CFAP70: variants seen among roughly 807,000 people sequenced by gnomAD.
CFAP70 encodes the protein cilia- and flagella-associated protein 70.
CFAP70 carries 81 observed loss-of-function variants against 137.6 expected under a neutral mutation model. The ratio of observed to expected loss-of-function variants is 0.59; its 90% CI spans 0.49 to 0.71. The LOEUF (loss-of-function observed/expected upper bound fraction) is 0.71. Ranked by LOEUF, CFAP70 falls within the 30% of genes least tolerant of loss-of-function variation. CFAP70 has a pLI of 0.00. For missense variants in CFAP70, 976 were observed against 1,226.7 expected (o/e 0.80, Z 3.05); for synonymous variants, 382 against 423.6 (o/e 0.90, Z 1.20).
At chr10:73,254,584 C>T (rs1456622677) in intron 26 of CFAP70, among the ~76,000 whole-genome samples, 1 of 152,198 alleles carries the variant, frequency 6.6e-6, no homozygotes, top group East Asian at 1.9e-4. Context: ...GCCACATTTT[C>T]CTGCTTCCCA....
chr10:73,256,809 AG>A (rs2044553000), intron 25 of CFAP70, among the ~76,000 whole-genome samples: 1 of 150,284 alleles, frequency 6.7e-6, no homozygotes, highest in South Asian at 2.1e-4. Context: ...GAGCTGAGGC[AG>A]GAGAATCGCT....
Position 73,316,391 on chromosome 10 carries a change from T to C in CFAP70, c.913-3748A>G, listed in dbSNP as rs186621224. 1.5e-3 allele frequency among the ~76,000 whole-genome samples: 226 copies of C among 149,296 alleles called. 4 individuals are homozygous for C. In the East Asian group the frequency reaches 0.04, roughly 27 times the overall value. On this transcript the variant is annotated intron_variant, in intron 9 of 26. Coordinates refer to ENST00000310715, the Ensembl canonical transcript of CFAP70. ...TTTTCTATATATCATCTGTTTTTTG[T>C]TGTTCTGTTCTTCCTTTAACTACCT...
At chr10:73,270,532 C>A in intron 24 of CFAP70, among the ~76,000 whole-genome samples, 1 of 97,094 alleles carries the variant, frequency 1.0e-5, no homozygotes, top group African/African-American at 4.1e-5. Context: ...TCCCCCTCCC[C>A]TCCCCTCCCC....
intron 7 of CFAP70, 97 bp from the exon 9 acceptor site, chr10:73,331,373 G>A (rs183525054): frequency 4.0e-6 from 4 of 1,009,526 alleles, no homozygotes; most frequent in East Asian, 2.8e-5. Context: ...AAGTAATATA[G>A]AATATACATA....
chr10:73,256,192 G>A (rs116345432), intron 26 of CFAP70, among the ~76,000 whole-genome samples, 177 bp downstream of exon 27: 2 of 152,220 alleles, frequency 1.3e-5, no homozygotes, highest in African/African-American at 4.8e-5. Flanking sequence ...GATCACCTAT[G>A]GTAATATGTA....
At chr10:73,336,900 T>C (rs1238198475) in intron 6 of CFAP70, among the ~76,000 whole-genome samples, 1 of 152,086 alleles carries the variant, frequency 6.6e-6, no homozygotes, top group Non-Finnish European at 1.5e-5. Context: ...TCTATGCCCT[T>C]GACAAATTTC....
intron 7 of CFAP70, among the ~76,000 whole-genome samples, chr10:73,332,213 T>C (rs773413430): frequency 2.0e-5 from 3 of 152,172 alleles, no homozygotes; most frequent in Non-Finnish European, 4.4e-5. Flanking sequence ...AAATGTGGAC[T>C]AGCTGGGAGT....
Position 73,316,531 on chromosome 10 carries a change from A to G in CFAP70, c.913-3888T>C, listed in dbSNP as rs1472391421. On this transcript the variant is annotated intron_variant, in intron 9 of 26. Coordinates refer to ENST00000310715, the Ensembl canonical transcript of CFAP70. The stretch of plus-strand genomic sequence containing the variant: ...ATATATATGACGTACACATAAATAT[A>G]TATGTATATATAATATGTATGGACA... Among the ~76,000 whole-genome samples, 4 of 146,996 alleles carry G rather than the reference A, an allele frequency of 2.7e-5. No homozygotes were observed. In the Admixed American group the frequency reaches 2.7e-4, roughly 10 times the overall value.
At chr10:73,338,162 T>TTTTTG (rs2052878911) in intron 6 of CFAP70, among the ~76,000 whole-genome samples, 1 of 150,662 alleles carries the variant, frequency 6.6e-6, no homozygotes, top group African/African-American at 2.4e-5. Flanking sequence ...TTTTTTTTTT[T>TTTTTG]GAGACAGAAT....
intron 20 of CFAP70, 22 bp downstream of exon 21, chr10:73,278,156 TG>T (rs773985419): frequency 5.0e-6 from 8 of 1,610,090 alleles, no homozygotes; most frequent in Non-Finnish European, 6.8e-6. Flanking sequence ...CTCTTCCAAG[TG>T]GAAATCTTTA....
At chr10:73,326,134 G>A (rs547629779) in intron 8 of CFAP70, among the ~76,000 whole-genome samples, 70 of 152,138 alleles carry the variant, frequency 4.6e-4, no homozygotes, top group Middle Eastern at 6.8e-3. Context: ...TATAACAACC[G>A]TCTCTCAGAC....
chr10:73,316,493 T>TATATAG (rs2050381967), intron 9 of CFAP70, among the ~76,000 whole-genome samples: 1 of 128,796 alleles, frequency 7.8e-6, no homozygotes, highest in Non-Finnish European at 1.6e-5. Context: ...TATAGATATA[T>TATATAG]ATATATATAT....
At chr10:73,324,696 C>A (rs1326329267) in intron 8 of CFAP70, among the ~76,000 whole-genome samples, 2 of 152,084 alleles carry the variant, frequency 1.3e-5, no homozygotes, top group African/African-American at 2.4e-5. Context: ...AATGCAGAAG[C>A]CTCAGGAGCC....
rs397847750 is a variant in CFAP70, at chr10:73,290,044, C to CAAAAAAAAAAAA, written c.2239+1170_2239+1181dup. On this transcript the variant is annotated intron_variant, in intron 19 of 26. Coordinates refer to ENST00000310715, the Ensembl canonical transcript of CFAP70. ...TGGGTGACAGAGCAAGACTCCATCT[C>CAAAAAAAAAAAA]AAAAAAAAAAAAAAAAGACTTGTAG... Among the ~76,000 whole-genome samples, 82 of 72,218 alleles carry CAAAAAAAAAAAA rather than the reference C, an allele frequency of 1.1e-3. 4 individuals are homozygous for CAAAAAAAAAAAA. Among genetic ancestry groups the CAAAAAAAAAAAA allele is most frequent in the African/African-American group, 3.4e-3 (76 of 22,590 alleles). 47.4% of individuals were successfully genotyped at this position (72,218 alleles called of 152,430 possible). A position where few individuals can be genotyped will look rare whatever the true frequency, so the allele number is the denominator to read the frequency against.
At chr10:73,340,422 G>T (rs184172967) in intron 6 of CFAP70, among the ~76,000 whole-genome samples, 1 of 152,340 alleles carries the variant, frequency 6.6e-6, no homozygotes, top group Non-Finnish European at 1.5e-5. Flanking sequence ...GGAGGCCATG[G>T]GTGGGGCCAG....
intron 11 of CFAP70, 37 bp downstream of exon 12, chr10:73,311,797 A>G: frequency 6.7e-7 from 1 of 1,496,024 alleles, no homozygotes; most frequent in East Asian, 2.3e-5. Flanking sequence ...GGTCTGGTTA[A>G]CTTAAACTTA....
chr10:73,263,035 T>C (rs1214083561), intron 25 of CFAP70, among the ~76,000 whole-genome samples: 3 of 152,224 alleles, frequency 2.0e-5, no homozygotes, highest in East Asian at 3.8e-4. Flanking sequence ...AATACTATTA[T>C]CTAATCTATA....
Position 73,277,069 on chromosome 10 carries a change from CA to C in CFAP70, c.2520+170del, listed in dbSNP as rs1222384938. On this transcript the variant is annotated intron_variant, in intron 21 of 26. Coordinates refer to ENST00000310715, the Ensembl canonical transcript of CFAP70. ...CAGCGAGGTCTTCTGCTGCCATGTG[CA>C]AAGAGTGGTTCATGTTTGGATGTTC... is the stretch of plus-strand genomic sequence containing the variant. 1.4e-5 allele frequency: 10 copies of C among 729,774 alleles called. No individual in the cohort carries two copies. The African/African-American group carries it at 1.4e-4, about 11-fold the overall frequency. The allele number at this position is 729,774 out of a possible 1,614,324, so 45.2% of individuals were successfully genotyped here. A position where few individuals can be genotyped will look rare whatever the true frequency, so the allele number is the denominator to read the frequency against.
In CFAP70 at chr10:73,310,268, CTTA is replaced by C. The variant is rs2049797041; in HGVS notation, c.1165-22_1165-20del. 2 of 1,542,260 alleles carry C rather than the reference CTTA, an allele frequency of 1.3e-6. No homozygotes were observed. Among genetic ancestry groups the C allele is most frequent in the African/African-American group, 1.4e-5 (1 of 72,400 alleles). ...CATATTGCTGTAAAGACATTGTTTT[CTTA>C]TTATTTCCAGAAAAAAATATATTTA... On this transcript the variant is annotated intron_variant, in intron 11 of 26. Coordinates refer to ENST00000310715, the Ensembl canonical transcript of CFAP70.
Sources: allele counts gnomAD v4.1 joint callset (sites outside exome capture counted in the v4.1 genomes callset), GRCh38; gene constraint gnomAD v4.1.1; transcripts MANE v1.5; gene names NCBI Gene and HGNC (gene_info 2026-07-23, HGNC 2026-07-21).